Variants in KCNQ1 observed in about 807,000 individuals in gnomAD.
KCNQ1 encodes the protein potassium voltage-gated channel subfamily Q member 1, also known as potassium voltage-gated channel subfamily KQT member 1.
Under a neutral mutation model 72.4 loss-of-function variants are expected in KCNQ1, and 49 were observed. The observed-to-expected ratio is 0.68, with a 90% CI of 0.54 to 0.86. The LOEUF is 0.86. KCNQ1 is among the 40% of genes least tolerant of loss of function. The pLI, the probability that KCNQ1 is intolerant of heterozygous loss-of-function variation, is 0.00. For synonymous variants in KCNQ1, 450 were observed against 412.6 expected (o/e 1.09, Z -1.10); for missense variants, 790 against 945.1 (o/e 0.84, Z 2.15).
intron 6 of KCNQ1, among the ~76,000 whole-genome samples, chr11:2,573,307 G>C (rs938191228): frequency 6.6e-6 from 1 of 152,096 alleles, no homozygotes; most frequent in Non-Finnish European, 1.5e-5. Context: ...TCTGCCTCCC[G>C]CCATCGTCCT....
intron 1 of KCNQ1, among the ~76,000 whole-genome samples, chr11:2,485,562 T>A (rs1325365664): frequency 2.6e-5 from 4 of 152,194 alleles, no homozygotes; most frequent in Non-Finnish European, 5.9e-5. Flanking sequence ...ATTTTAACTA[T>A]TTTTAAGCAC....
chr11:2,670,913 C>G lies in KCNQ1; in HGVS notation c.1514+8832C>G. The G allele has an allele frequency of 2.5e-6, 1 of 398,686 alleles. No homozygotes were observed. The highest frequency in any genetic ancestry group is 4.4e-5 in the Admixed American group (1 of 22,738). 24.7% of individuals were successfully genotyped at this position (398,686 alleles called of 1,614,324 possible). A position where few individuals can be genotyped will look rare whatever the true frequency, so the allele number is the denominator to read the frequency against. On this transcript the variant is annotated intron_variant, in intron 11 of 15. Coordinates refer to ENST00000155840, the MANE Select transcript of KCNQ1 (RefSeq NM_000218.3). The surrounding 1 kb of genome is among the most constrained non-coding windows in gnomAD (Gnocchi z 4.9). ...ATTGCCTGGACAAGGCTGACCTGCC[C>G]TCCCAGGATGCAAATTGGCAGGCCC...
chr11:2,629,212 A>G (rs911635413), intron 10 of KCNQ1: 3 of 398,294 alleles, frequency 7.5e-6, no homozygotes, highest in Non-Finnish European at 8.9e-6. Context: ...TATTTATTCT[A>G]TTGATCTATG....
At chr11:2,840,872 T>C (rs1848195026) in intron 15 of KCNQ1, among the ~76,000 whole-genome samples, 1 of 152,134 alleles carries the variant, frequency 6.6e-6, no homozygotes, top group South Asian at 2.1e-4. Context: ...CACTCCAGCC[T>C]TGGGGCCCCG....
rs1274770172 is a variant in KCNQ1, at chr11:2,567,107, G to T, written c.478-3521G>T. ...GACTGGGCGGTGAGCCCCTGGGAAG[G>T]AGGCCTCAGGGACAGCCCTAGACTG... On this transcript the variant is annotated intron_variant, in intron 2 of 15. Coordinates refer to ENST00000155840, the MANE Select transcript of KCNQ1 (RefSeq NM_000218.3). The surrounding 1 kb of genome is among the most constrained non-coding windows in gnomAD (Gnocchi z 6.6). Among the ~76,000 whole-genome samples the T allele has an allele frequency of 6.6e-6, 1 of 152,104 alleles. No individual in the cohort carries two copies. Among genetic ancestry groups the T allele is most frequent in the African/African-American group, 2.4e-5 (1 of 41,424 alleles).
At chr11:2,845,195 C>A (rs1848299366) in intron 15 of KCNQ1, among the ~76,000 whole-genome samples, 1 of 152,202 alleles carries the variant, frequency 6.6e-6, no homozygotes, top group South Asian at 2.1e-4. Flanking sequence ...AGGCCGGTCC[C>A]CCTCCCAGAG....
Position 2,670,572 on chromosome 11 carries a change from G to C in KCNQ1, c.1514+8491G>C. 2.5e-6 allele frequency: 1 copy of C among 398,290 alleles called. No individual in the cohort carries two copies. The highest frequency in any genetic ancestry group is 4.4e-6 in the Non-Finnish European group (1 of 226,026). The allele number at this position is 398,290 out of a possible 1,614,324, so 24.7% of individuals were successfully genotyped here. A position where few individuals can be genotyped will look rare whatever the true frequency, so the allele number is the denominator to read the frequency against. The stretch of plus-strand genomic sequence containing the variant: ...GACTTGCCAGTATCACTGGGAGATA[G>C]GAGCAGAAGCCAGGGCTCATTCCCA... On this transcript the variant is annotated intron_variant, in intron 11 of 15. Transcript: ENST00000155840. This position sits in a 1 kb window ranked among gnomAD's most constrained non-coding sequence, Gnocchi z 4.9.
chr11:2,540,370 C>T (rs983239735), intron 2 of KCNQ1, among the ~76,000 whole-genome samples: 5 of 152,264 alleles, frequency 3.3e-5, no homozygotes, highest in South Asian at 4.1e-4. Flanking sequence ...GGACAGGGCT[C>T]GGTGCGGCCT....
intron 11 of KCNQ1, among the ~76,000 whole-genome samples, chr11:2,733,864 C>CGCT (rs55641944): frequency 4.2e-5 from 4 of 96,362 alleles, no homozygotes; most frequent in Admixed American, 4.1e-4. Flanking sequence ...TCTCCCCCCC[C>CGCT]ACTTCAGGGC....
chr11:2,780,707 C>T (rs1383228251), intron 15 of KCNQ1, among the ~76,000 whole-genome samples: 1 of 152,222 alleles, frequency 6.6e-6, no homozygotes, highest in Non-Finnish European at 1.5e-5. Flanking sequence ...GAGTGTCCCC[C>T]TGCAGGGAGT....
chr11:2,618,067 C>G, intron 10 of KCNQ1: 1 of 398,428 alleles, frequency 2.5e-6, no homozygotes, highest in Admixed American at 4.4e-5. Flanking sequence ...TTTTTGTAGC[C>G]TGAGCTTTTG....
intron 11 of KCNQ1, among the ~76,000 whole-genome samples, chr11:2,738,964 C>A (rs1208794267): frequency 6.6e-6 from 1 of 152,198 alleles, no homozygotes; most frequent in Admixed American, 6.5e-5. Context: ...AGGGTTGGGG[C>A]TTGGGGGGAC....
rs752117925 is a variant in KCNQ1, at chr11:2,451,967, C to T, written c.386+6483C>T. On this transcript the variant is annotated intron_variant, in intron 1 of 15. Coordinates refer to ENST00000155840, the MANE Select transcript of KCNQ1 (RefSeq NM_000218.3). The surrounding 1 kb of genome is among the most constrained non-coding windows in gnomAD (Gnocchi z 6.4). ...GGCCCAGTTTGTATCCATGGGCACC[C>T]CCACTCCCACCTAGCACTTGCCACC... Among the ~76,000 whole-genome samples the T allele has an allele frequency of 1.4e-4, 22 of 152,138 alleles. No individual in the cohort carries two copies. Among genetic ancestry groups the T allele is most frequent in the Non-Finnish European group, 2.6e-4 (18 of 68,010 alleles).
intron 15 of KCNQ1, among the ~76,000 whole-genome samples, chr11:2,796,402 C>T (rs183803792): frequency 6.6e-6 from 1 of 152,226 alleles, no homozygotes; most frequent in South Asian, 2.1e-4. Flanking sequence ...GGCAGGGTGG[C>T]AGGAAGCACC....
At chr11:2,777,955 T>TCTATGGG in intron 14 of KCNQ1, 21 bp from the exon 15 acceptor site, 1 of 1,613,446 alleles carries the variant, frequency 6.2e-7, no homozygotes, top group Non-Finnish European at 8.5e-7. Flanking sequence ...GGCCCTGATT[T>TCTATGGG]GGGTGTTTTA....
intron 1 of KCNQ1, among the ~76,000 whole-genome samples, chr11:2,485,856 G>A (rs1262792101): frequency 1.3e-5 from 2 of 152,216 alleles, no homozygotes; most frequent in Non-Finnish European, 2.9e-5. Context: ...TCATGCTGTA[G>A]CATGTGTCAG....
chr11:2,506,531 A>C (rs868760027), intron 1 of KCNQ1, among the ~76,000 whole-genome samples: 1 of 152,332 alleles, frequency 6.6e-6, no homozygotes, highest in Admixed American at 6.5e-5. Context: ...ACATATGTCT[A>C]TTGTATTCTT....
rs1442309480 is a variant in KCNQ1 at position 2,623,791 on chromosome 11, T to C, written c.1393+34937T>C. 1 of 398,450 alleles carries C rather than the reference T, an allele frequency of 2.5e-6. No homozygotes were observed. Among genetic ancestry groups the C allele is most frequent in the African/African-American group, 2.1e-5 (1 of 48,610 alleles). 24.7% of individuals were successfully genotyped at this position (398,450 alleles called of 1,614,324 possible). The stretch of plus-strand genomic sequence containing the variant: ...ACCTCCTTTGAGTAAATACCAAGGA[T>C]GTGATTGCTGAACTGCATGGTAAGA... On this transcript the variant is annotated intron_variant, in intron 10 of 15. Coordinates refer to ENST00000155840, the MANE Select transcript of KCNQ1 (RefSeq NM_000218.3). This position sits in a 1 kb window ranked among gnomAD's most constrained non-coding sequence, Gnocchi z 5.2.
At chr11:2,569,296 G>A (rs1054252843) in intron 2 of KCNQ1, among the ~76,000 whole-genome samples, 1 of 152,208 alleles carries the variant, frequency 6.6e-6, no homozygotes, top group Non-Finnish European at 1.5e-5. Flanking sequence ...TTTGCAAAAG[G>A]AAAGCAACTA....
Sources: allele counts gnomAD v4.1 joint callset (sites outside exome capture counted in the v4.1 genomes callset), GRCh38; gene constraint gnomAD v4.1.1; non-coding constraint Gnocchi (gnomAD v3.1); transcripts MANE v1.5; gene names NCBI Gene and HGNC (gene_info 2026-07-23, HGNC 2026-07-21).